The following SI variants were observed in gnomAD, a reference collection of about 807,000 sequenced individuals.
SI encodes the protein sucrase-isomaltase.
Under a neutral mutation model 253.3 loss-of-function variants are expected in SI, and 235 were observed. The ratio of observed to expected loss-of-function variants is 0.93; its 90% confidence interval spans 0.83 to 1.03. The LOEUF (loss-of-function observed/expected upper bound fraction) is 1.03. Among genes scored for constraint, SI ranks in the 50% least tolerant of loss-of-function variants. The pLI is 0.00. For synonymous variants in SI, 819 were observed against 712.0 expected (o/e 1.15, Z -2.39); for missense variants, 2,442 against 2,211.1 (o/e 1.10, Z -2.09).
intron 33 of SI, among the ~76,000 whole-genome samples, chr3:165,013,894 T>G (rs1328327075): frequency 6.6e-6 from 1 of 152,038 alleles, no homozygotes; most frequent in Non-Finnish European, 1.5e-5. Flanking sequence ...GCCTAGCTAA[T>G]TTTTAAATTT....
intron 26 of SI, among the ~76,000 whole-genome samples, chr3:165,022,252 T>A (rs1711661800): frequency 6.6e-6 from 1 of 151,574 alleles, no homozygotes; most frequent in African/African-American, 2.4e-5. Context: ...GAAAACATAT[T>A]TTATTTTTAT....
intron 25 of SI, among the ~76,000 whole-genome samples, chr3:165,024,902 G>A (rs993894364): frequency 1.3e-5 from 2 of 151,144 alleles, no homozygotes; most frequent in African/African-American, 4.8e-5. Flanking sequence ...ATGTTTGCAT[G>A]TTAAAGTTAC....
In SI at chr3:165,062,236, A is replaced by C. The variant is rs571466463; in HGVS notation, c.1020+135T>G. ...AAAAAAAAACACCCAGCTGCATCTT[A>C]AATATGATAAGATTTTCGAAAACAT... On this transcript the variant is annotated intron_variant, in intron 9 of 47. Transcript: ENST00000264382. The C allele has an allele frequency of 1.9e-4, 118 of 626,596 alleles. 1 individual carries two copies. Among genetic ancestry groups the C allele is most frequent in the South Asian group, 1.9e-3 (101 of 54,030 alleles). 38.8% of individuals were successfully genotyped at this position (626,596 alleles called of 1,614,324 possible). A position where few individuals can be genotyped will look rare whatever the true frequency, so the allele number is the denominator to read the frequency against.
chr3:165,006,721 C>T, intron 37 of SI, 95 bp downstream of exon 37: 1 of 1,082,358 alleles, frequency 9.2e-7, no homozygotes, highest in Non-Finnish European at 1.4e-6. Context: ...TAAAGAGATA[C>T]AAGAGAAGAT....
intron 1 of SI, among the ~76,000 whole-genome samples, chr3:165,076,513 C>T (rs947071086): frequency 5.3e-5 from 8 of 151,582 alleles, no homozygotes; most frequent in African/African-American, 1.7e-4. Context: ...TTTTCTTGAA[C>T]TCTCCTCTCT....
chr3:165,002,412 C>T (rs934850937), intron 37 of SI, among the ~76,000 whole-genome samples: 2 of 151,580 alleles, frequency 1.3e-5, no homozygotes, highest in Non-Finnish European at 3.0e-5. Flanking sequence ...TGATTAAATC[C>T]CATTTCTGAA....
chr3:165,034,600 C>A (rs1218494893), intron 22 of SI, among the ~76,000 whole-genome samples: 2 of 151,768 alleles, frequency 1.3e-5, no homozygotes, highest in Non-Finnish European at 2.9e-5. Flanking sequence ...GTGCTTACAC[C>A]CCAGGGTATT....
intron 13 of SI, among the ~76,000 whole-genome samples, chr3:165,054,372 A>AT (rs1300197869): frequency 1.7e-4 from 26 of 151,258 alleles, no homozygotes; most frequent in Middle Eastern, 3.4e-3. Context: ...AAACACTTGT[A>AT]TTTTTTTTTC....
chr3:165,070,090 T>A (rs1400368291), intron 3 of SI, among the ~76,000 whole-genome samples: 1 of 146,816 alleles, frequency 6.8e-6, no homozygotes, highest in Non-Finnish European at 1.5e-5. Context: ...GTATATGTAC[T>A]ATATATTTAT....
intron 12 of SI, 85 bp from the exon 13 acceptor site, chr3:165,055,392 TA>T (rs907837829): frequency 7.7e-4 from 569 of 738,568 alleles, no homozygotes; most frequent in Admixed American, 2.1e-3. Context: ...TTGAGAATAG[TA>T]AAAAAAAATA....
chr3:165,022,536 C>CACAA (rs1711679699), intron 26 of SI, among the ~76,000 whole-genome samples: 1 of 4,184 alleles, frequency 2.4e-4, no homozygotes, highest in African/African-American at 4.9e-4. Context: ...TGTGCCATCT[C>CACAA]ACACACACAC....
Position 165,065,392 on chromosome 3 carries a change from A to T in SI, c.676T>A (p.Tyr226Asn). The T allele has an allele frequency of 6.3e-7, 1 of 1,586,358 alleles. No individual in the cohort carries two copies. The change falls in exon 7 of 48, where the codon TAC (tyrosine) becomes AAC (asparagine). Residue 226 changes from tyrosine (Y) to asparagine (N), a missense_variant. By Grantham distance (143) the Tyr-to-Asn change is moderately radical. Coordinates refer to ENST00000264382, the MANE Select transcript of SI (RefSeq NM_001041.4). ...GGAAGACGGGTTGAGATCTGTAAGT[A>T]CTGGTCAGAGTACACTAAGGGACCA... Reference protein sequence around the residue: ...SIGPLVYSDQYLQISTRLPSD... With the variant: ...SIGPLVYSDQNLQISTRLPSD...
chr3:165,068,071 A>T (rs749455917), intron 5 of SI, among the ~76,000 whole-genome samples: 1 of 152,034 alleles, frequency 6.6e-6, no homozygotes, highest in Non-Finnish European at 1.5e-5. Flanking sequence ...TAAAAAAAAG[A>T]ATCATAGTTT....
rs1436505698 is a variant in SI at position 164,992,484 on chromosome 3, A to C, written c.4842-87T>G. 1.8e-5 allele frequency: 16 copies of C among 914,084 alleles called. No individual in the cohort carries two copies. The East Asian group carries it at 4.2e-4, about 24-fold the overall frequency. The allele number at this position is 914,084 out of a possible 1,614,324, so 56.6% of individuals were successfully genotyped here. On this transcript the variant is annotated intron_variant, in intron 41 of 47. Coordinates refer to ENST00000264382, the MANE Select transcript of SI (RefSeq NM_001041.4). ...AATCATTATTCAAATTACATTTTGT[A>C]GTATGGACTTTTGTGGATTAAAATA...
chr3:165,016,737 G>C (rs1196745005), intron 31 of SI, among the ~76,000 whole-genome samples: 1 of 151,810 alleles, frequency 6.6e-6, no homozygotes, highest in African/African-American at 2.4e-5. Flanking sequence ...ATTATTTTCT[G>C]TTAGTTGACA....
intron 17 of SI, among the ~76,000 whole-genome samples, chr3:165,041,967 G>T (rs1712857127): frequency 6.6e-6 from 1 of 151,988 alleles, no homozygotes. Context: ...TTGAAACTTG[G>T]TTAGAACTAG....
intron 38 of SI, among the ~76,000 whole-genome samples, chr3:164,998,214 G>T (rs1372070075): frequency 2.0e-5 from 3 of 151,602 alleles, no homozygotes; most frequent in Non-Finnish European, 4.4e-5. Context: ...TTTAATAATA[G>T]CTATGAAATC....
In SI at chr3:164,992,323, A is replaced by C. The variant is rs1178178578; in HGVS notation, c.4916T>G (p.Val1639Gly). The change falls in exon 42 of 48, where the codon GTA becomes GGA. Residue 1639 changes from valine (V) to glycine (G), a missense_variant. Val to Gly is a moderately radical substitution (Grantham distance 109). Transcript: ENST00000264382. ...LWGPAFMVTP[V>G]LEPYVQTVNA... ...TGTGGTAGGACTTACAGGTTCCAGT[A>C]CTGGGGTAACCATAAATGCTGGACC... is the stretch of plus-strand genomic sequence containing the variant. 6.2e-7 allele frequency: 1 copy of C among 1,613,412 alleles called. No individual in the cohort carries two copies. Among genetic ancestry groups the C allele is most frequent in the Non-Finnish European group, 8.5e-7 (1 of 1,179,496 alleles).
Position 165,032,548 on chromosome 3 carries a change from T to C in SI, c.2710A>G (p.Asn904Asp). The C allele has an allele frequency of 6.2e-7, 1 of 1,608,272 alleles. No homozygotes were observed. The highest frequency in any genetic ancestry group is 1.1e-5 in the South Asian group (1 of 90,870). Residue 904 changes from asparagine (N) to aspartate (D), a missense_variant, in exon 24 of 48, where the codon AAT becomes GAT. Asn to Asp is a conservative substitution (Grantham distance 23). Transcript: ENST00000264382. ...ENNQPMNAHS[N>D]FTYDASNQVL... is the part of the protein sequence containing the mutation. Reference sequence around the variant, plus strand: ...TGGTTAGAAGCATCATAAGTGAAATTGGAATGAGCGTTCATTGGTTGATTA... The same window carrying C: ...TGGTTAGAAGCATCATAAGTGAAATCGGAATGAGCGTTCATTGGTTGATTA...
Sources: gnomAD v4.1 joint callset for allele counts (sites outside exome capture counted in the v4.1 genomes callset) on GRCh38, gnomAD v4.1.1 for gene constraint, MANE v1.5 for transcripts, NCBI Gene and HGNC (gene_info 2026-07-23, HGNC 2026-07-21) for gene names.